ABCA12: variants seen among roughly 807,000 people sequenced by gnomAD.
ABCA12 encodes glucosylceramide transporter ABCA12.
Under a neutral mutation model 293.5 loss-of-function variants are expected in ABCA12, and 156 were observed. The observed-to-expected ratio is 0.53, with a 90% CI of 0.47 to 0.61. The LOEUF (loss-of-function observed/expected upper bound fraction) is 0.61. Ranked by LOEUF, ABCA12 falls within the 20% of genes least tolerant of loss-of-function variation. The pLI, the probability that ABCA12 is intolerant of heterozygous loss-of-function variation, is 0.00. For synonymous variants in ABCA12, 1,063 were observed against 1,108.0 expected (o/e 0.96, Z 0.81); for missense variants, 2,797 against 3,090.2 (o/e 0.91, Z 2.25).
chr2:215,063,315 T>A (rs116245080), intron 3 of ABCA12, among the ~76,000 whole-genome samples: 2,132 of 152,130 alleles, frequency 0.014, 25 homozygotes, highest in Middle Eastern at 0.024. Flanking sequence ...CGATTATAGA[T>A]AAATATAATA....
intron 9 of ABCA12, among the ~76,000 whole-genome samples, chr2:215,029,611 A>G (rs1700829483): frequency 6.6e-6 from 1 of 152,168 alleles, no homozygotes; most frequent in Non-Finnish European, 1.5e-5. Flanking sequence ...GCTAGAATTG[A>G]CCTTGATAAG....
chr2:214,983,313 C>A (rs1482550370), intron 29 of ABCA12, among the ~76,000 whole-genome samples: 1 of 152,076 alleles, frequency 6.6e-6, no homozygotes, highest in Non-Finnish European at 1.5e-5. Context: ...ACCCTGGTTG[C>A]TCTTTGAAGA....
intron 7 of ABCA12, 82 bp downstream of exon 7, chr2:215,045,755 A>G: frequency 1.6e-6 from 2 of 1,258,652 alleles, no homozygotes; most frequent in South Asian, 2.6e-5. Flanking sequence ...TAACCCAGAT[A>G]ACAGTAATCA....
At chr2:214,994,045 T>C (rs1176843192) in intron 23 of ABCA12, among the ~76,000 whole-genome samples, 1 of 152,166 alleles carries the variant, frequency 6.6e-6, no homozygotes, top group Non-Finnish European at 1.5e-5. Context: ...TTTAACATTC[T>C]AGCATGAAAC....
chr2:215,064,695 A>G (rs775291498), intron 2 of ABCA12, among the ~76,000 whole-genome samples: 277 of 17,906 alleles, frequency 0.015, 2 homozygotes, highest in Non-Finnish European at 0.025. Flanking sequence ...TAATACACGC[A>G]CACACACACA....
chr2:214,963,923 CAA>C (rs71041974), intron 39 of ABCA12, among the ~76,000 whole-genome samples: 6 of 59,902 alleles, frequency 1.0e-4, no homozygotes, highest in Non-Finnish European at 8.8e-5. Context: ...GACTCTGCCT[CAA>C]AAAAAAAAAA....
At chr2:215,102,085 T>C (rs771460401) in intron 2 of ABCA12, among the ~76,000 whole-genome samples, 2 of 152,076 alleles carry the variant, frequency 1.3e-5, no homozygotes, top group Non-Finnish European at 1.5e-5. Context: ...GGTACATGCA[T>C]AGAAAAAAGT....
At chr2:215,111,528 A>C in intron 2 of ABCA12, 69 bp downstream of exon 2, 1 of 1,304,750 alleles carries the variant, frequency 7.7e-7, no homozygotes, top group Non-Finnish European at 1.1e-6. Context: ...TGAAACACTA[A>C]AGTGGTACCA....
intron 16 of ABCA12, 68 bp downstream of exon 16, chr2:215,011,903 T>C: frequency 2.8e-6 from 4 of 1,403,894 alleles, no homozygotes; most frequent in Non-Finnish European, 4.0e-6. Context: ...TGAAGCTGAA[T>C]GTATTATAAC....
chr2:215,045,731 G>T (rs1701188704), intron 7 of ABCA12, 106 bp downstream of exon 7: 2 of 1,011,234 alleles, frequency 2.0e-6, no homozygotes, highest in Non-Finnish European at 1.5e-6. Context: ...AGGATTATTT[G>T]CTCTGTGTTT....
chr2:214,962,670 T>TA (rs1260111874), intron 39 of ABCA12: 2 of 152,112 alleles, frequency 1.3e-5, no homozygotes, highest in Non-Finnish European at 1.5e-5. Context: ...TAATCGGAAG[T>TA]AAAACACTCC....
chr2:214,986,161 C>A (rs1699781071), intron 28 of ABCA12, among the ~76,000 whole-genome samples: 1 of 152,164 alleles, frequency 6.6e-6, no homozygotes, highest in African/African-American at 2.4e-5. Context: ...TGAAGCAGTG[C>A]AGCTTGGTAG....
chr2:215,021,081 T>C (rs1230963214), intron 11 of ABCA12, among the ~76,000 whole-genome samples: 5 of 152,210 alleles, frequency 3.3e-5, no homozygotes, highest in African/African-American at 1.2e-4. Flanking sequence ...ACTCTTGGGC[T>C]GAAGCCATCT....
At chr2:214,972,207 A>G (rs1048465159) in intron 36 of ABCA12, among the ~76,000 whole-genome samples, 2 of 151,922 alleles carry the variant, frequency 1.3e-5, no homozygotes, top group Non-Finnish European at 2.9e-5. Flanking sequence ...TACTCTCTTC[A>G]TCTTTTGATG....
chr2:214,940,521 A>ATAGTT (rs1283726410), intron 50 of ABCA12, among the ~76,000 whole-genome samples: 2 of 152,176 alleles, frequency 1.3e-5, no homozygotes, highest in African/African-American at 4.8e-5. Flanking sequence ...GTTGATTGGA[A>ATAGTT]TAGTTTCAGA....
rs1205825155 is a variant in ABCA12, at chr2:215,026,920, G to A, written c.1080C>T (p.Asn360=). Residue 360 remains asparagine, a synonymous_variant, in exon 10 of 53, where the codon AAC becomes AAT. Transcript: ENST00000272895. Reference sequence around the variant, plus strand: ...ATATATTTAAGAGGGCATCTTCAAAGTTTTCCAGAATTAGGAGCCTGCAGA... The same window carrying A: ...ATATATTTAAGAGGGCATCTTCAAAATTTTCCAGAATTAGGAGCCTGCAGA... The part of the protein sequence containing the change: ...SLAAQLLILE[N]FEDALLNISA... 3 of 1,605,266 alleles carry A rather than the reference G, an allele frequency of 1.9e-6. No homozygotes were observed. The highest frequency in any genetic ancestry group is 2.6e-6 in the Non-Finnish European group (3 of 1,171,984).
intron 39 of ABCA12, chr2:214,960,445 C>A (rs1401566687): frequency 6.6e-6 from 1 of 152,026 alleles, no homozygotes; most frequent in Non-Finnish European, 1.5e-5. Context: ...ACATTTTACT[C>A]CACTATGCAA....
At chr2:215,122,286 TA>T (rs569158022) in intron 1 of ABCA12, among the ~76,000 whole-genome samples, 1 of 152,214 alleles carries the variant, frequency 6.6e-6, no homozygotes, top group East Asian at 1.9e-4. Context: ...TTCAAGCAAT[TA>T]AAAGGGATTA....
At chr2:214,976,501 G>C (rs1699520311) in intron 33 of ABCA12, among the ~76,000 whole-genome samples, 1 of 152,138 alleles carries the variant, frequency 6.6e-6, no homozygotes, top group African/African-American at 2.4e-5. Flanking sequence ...TGTTCCTATT[G>C]TGAGTAACTT....
Sources: gnomAD v4.1 joint callset for allele counts (sites outside exome capture counted in the v4.1 genomes callset) on GRCh38, gnomAD v4.1.1 for gene constraint, MANE v1.5 for transcripts, NCBI Gene and HGNC (gene_info 2026-07-23, HGNC 2026-07-21) for gene names.